Variants in FGF14 observed in about 807,000 individuals in gnomAD.
The protein encoded by FGF14 is fibroblast growth factor 14, also known as fibroblast growth factor homologous factor 4.
Under a neutral mutation model 25.5 loss-of-function variants are expected in FGF14, and 5 were observed. The ratio of observed to expected loss-of-function variants is 0.20; its 90% CI spans 0.10 to 0.41. FGF14 has a LOEUF of 0.41. Ranked by LOEUF, FGF14 falls within the 10% of genes least tolerant of loss-of-function variation. The pLI is 1.00. For synonymous variants in FGF14, 138 were observed against 118.3 expected, an observed-to-expected ratio of 1.17 and a Z score of -1.08; for missense variants, 222 against 320.1, an observed-to-expected ratio of 0.69 and a Z score of 2.34.
At chr13:102,196,956 G>GTTTT (rs147361349) in intron 1 of FGF14, among the ~76,000 whole-genome samples, 2 of 146,994 alleles carry the variant, frequency 1.4e-5, no homozygotes, top group Non-Finnish European at 1.5e-5. Flanking sequence ...TTGTTTTTTT[G>GTTTT]GTTTTTTTTT....
At chr13:102,396,194 C>T (rs574915263) in intron 1 of FGF14, among the ~76,000 whole-genome samples, 1 of 152,146 alleles carries the variant, frequency 6.6e-6, no homozygotes, top group African/African-American at 2.4e-5. Context: ...TTCCCTGTCC[C>T]TATTTACAGG....
chr13:101,901,758 C>T (rs537205341), intron 1 of FGF14, among the ~76,000 whole-genome samples: 31 of 152,098 alleles, frequency 2.0e-4, no homozygotes, highest in South Asian at 8.3e-4. Flanking sequence ...CAAACAGATA[C>T]GCGAGGAGTT....
intron 1 of FGF14, among the ~76,000 whole-genome samples, chr13:102,355,268 C>A (rs147771766): frequency 7.2e-5 from 11 of 152,246 alleles, no homozygotes; most frequent in Admixed American, 2.0e-4. Flanking sequence ...ATGCATTAGG[C>A]TTTGTAGGTC....
chr13:102,301,725 T>C (rs2055064761), intron 1 of FGF14, among the ~76,000 whole-genome samples: 1 of 151,970 alleles, frequency 6.6e-6, no homozygotes, highest in South Asian at 2.1e-4. Context: ...CTTCAATCTA[T>C]GACGACTAAC....
At chr13:102,012,958 G>C (rs1352572600) in intron 1 of FGF14, among the ~76,000 whole-genome samples, 1 of 152,078 alleles carries the variant, frequency 6.6e-6, no homozygotes, top group African/African-American at 2.4e-5. Flanking sequence ...ACTGCTAATG[G>C]GGTGATGAAT....
intron 1 of FGF14, among the ~76,000 whole-genome samples, chr13:102,301,926 C>T (rs1396356287): frequency 4.6e-5 from 7 of 151,300 alleles, no homozygotes; most frequent in South Asian, 4.2e-4. Flanking sequence ...GAAGTGTCAT[C>T]GGAAGAACAC....
chr13:102,249,550 G>T (rs1220123024), intron 1 of FGF14, among the ~76,000 whole-genome samples: 2 of 13,570 alleles, frequency 1.5e-4, no homozygotes, highest in Non-Finnish European at 4.0e-4. Context: ...ACTGAGAGGG[G>T]TGTGTGTGTG....
In FGF14 at chr13:102,130,594, T is replaced by C. The variant is rs1255275413; in HGVS notation, c.209-255298A>G. On this transcript the variant is annotated intron_variant, in intron 1 of 4. Coordinates refer to the FGF14 transcript ENST00000376131. ...TTTGTCAGATAACTGAACATATTTA[T>C]AGGTTTCTGGAATTAGCCTGTGGAC... Among the ~76,000 whole-genome samples, 4 of 152,168 alleles carry C rather than the reference T, an allele frequency of 2.6e-5. No homozygotes were observed. In the East Asian group the frequency reaches 7.7e-4, roughly 29 times the overall value.
At chr13:102,352,242 TACAC>T (rs56774921) in intron 1 of FGF14, among the ~76,000 whole-genome samples, 17,463 of 137,102 alleles carry the variant, frequency 0.13, 1,160 homozygotes, top group Middle Eastern at 0.18. Flanking sequence ...TGTACCTTTA[TACAC>T]ACACACACAC....
chr13:102,065,502 A>G (rs2042865384), intron 1 of FGF14, among the ~76,000 whole-genome samples: 1 of 152,146 alleles, frequency 6.6e-6, no homozygotes, highest in Admixed American at 6.5e-5. Flanking sequence ...TATAAGGAAG[A>G]TAACAGAAAA....
chr13:102,173,840 A>G (rs1056884784), intron 1 of FGF14, among the ~76,000 whole-genome samples: 24 of 152,044 alleles, frequency 1.6e-4, no homozygotes, highest in Non-Finnish European at 3.4e-4. Context: ...GGGGTATGGG[A>G]AGTTGTTCAA....
intron 1 of FGF14, among the ~76,000 whole-genome samples, chr13:102,036,051 A>T (rs1316212720): frequency 6.6e-6 from 1 of 152,082 alleles, no homozygotes; most frequent in Non-Finnish European, 1.5e-5. Context: ...TAAGCTGGAG[A>T]GGGGATGTGG....
intron 3 of FGF14, among the ~76,000 whole-genome samples, chr13:101,757,935 A>G (rs997115173): frequency 6.6e-6 from 1 of 152,176 alleles, no homozygotes; most frequent in Admixed American, 6.6e-5. Context: ...TCTAAAATGG[A>G]AGAATAAAAA....
chr13:102,310,635 G>GTC, intron 1 of FGF14, among the ~76,000 whole-genome samples: 1 of 125,102 alleles, frequency 8.0e-6, no homozygotes, highest in African/African-American at 3.1e-5. Flanking sequence ...TTTCCTTTCT[G>GTC]TCTCTCTCTT....
At chr13:102,303,394 T>C (rs2055182608) in intron 1 of FGF14, among the ~76,000 whole-genome samples, 1 of 152,214 alleles carries the variant, frequency 6.6e-6, no homozygotes, top group African/African-American at 2.4e-5. Context: ...AAACACACCA[T>C]GAGGATGGGG....
rs369441191 is a variant in FGF14 at position 101,973,855 on chromosome 13, CTCAGTATT to C, written c.209-98567_209-98560del. On this transcript the variant is annotated intron_variant, in intron 1 of 4. Transcript: ENST00000376131. ...ATCTTTCAATCCAATCAAGTTGACA[CTCAGTATT>C]AACCATCACAATGAAGAAACCCCAA... 6.6e-4 allele frequency among the ~76,000 whole-genome samples: 100 copies of C among 152,300 alleles called. No individual in the cohort carries two copies. In the East Asian group the frequency reaches 0.016, roughly 25 times the overall value.
intron 3 of FGF14, among the ~76,000 whole-genome samples, chr13:101,761,142 G>A (rs2038000763): frequency 6.6e-6 from 1 of 152,134 alleles, no homozygotes; most frequent in Non-Finnish European, 1.5e-5. Context: ...ATTTGTCATA[G>A]TAAAACAACA....
chr13:101,750,139 T>A (rs1038619599), intron 3 of FGF14, among the ~76,000 whole-genome samples: 1 of 152,134 alleles, frequency 6.6e-6, no homozygotes, highest in South Asian at 2.1e-4. Flanking sequence ...GTGAGACATA[T>A]ATTTCTGTTG....
intron 1 of FGF14, among the ~76,000 whole-genome samples, chr13:102,274,104 T>G (rs1488348201): frequency 6.6e-6 from 1 of 152,200 alleles, no homozygotes. Flanking sequence ...TGTGGAAAAC[T>G]GCTGGCACGT....
Sources: allele counts gnomAD v4.1 joint callset (sites outside exome capture counted in the v4.1 genomes callset), GRCh38; gene constraint gnomAD v4.1.1; transcripts MANE v1.5; gene names NCBI Gene and HGNC (gene_info 2026-07-23, HGNC 2026-07-21).